Variants in FAM13C observed in about 807,000 individuals in gnomAD.
FAM13C encodes protein FAM13C.
FAM13C carries 37 observed loss-of-function variants against 73.2 expected under a neutral mutation model. The observed-to-expected ratio is 0.51, with a 90% CI of 0.39 to 0.67. The LOEUF is 0.67. Ranked by LOEUF, FAM13C falls within the 30% of genes least tolerant of loss-of-function variation. FAM13C has a pLI of 0.00. For synonymous variants in FAM13C, 246 were observed against 260.9 expected, an observed-to-expected ratio of 0.94 and a Z score of 0.55; for missense variants, 589 against 715.6, an observed-to-expected ratio of 0.82 and a Z score of 2.02.
intron 4 of FAM13C, among the ~76,000 whole-genome samples, chr10:59,312,128 C>T (rs1040388823): frequency 3.1e-4 from 47 of 151,890 alleles, no homozygotes; most frequent in Admixed American, 3.0e-3. Flanking sequence ...GGTGGGGGTG[C>T]GGAATTTAAA....
intron 5 of FAM13C, among the ~76,000 whole-genome samples, chr10:59,289,614 T>C (rs1411791190): frequency 6.6e-6 from 1 of 152,196 alleles, no homozygotes; most frequent in Non-Finnish European, 1.5e-5. Context: ...AGATCACTAA[T>C]AAGCAAGTAA....
At chr10:59,353,389 A>G (rs1316622008) in intron 2 of FAM13C, among the ~76,000 whole-genome samples, 1 of 152,214 alleles carries the variant, frequency 6.6e-6, no homozygotes, top group Non-Finnish European at 1.5e-5. Flanking sequence ...TATATAATCA[A>G]TATCATTAAC....
chr10:59,362,804 C>T, upstream of FAM13C: 1 of 355,048 alleles, frequency 2.8e-6, no homozygotes, highest in Non-Finnish European at 5.1e-6. Context: ...TTTGTGCCAG[C>T]CACCCCCCGA....
At chr10:59,350,809 G>A (rs1854938076) in intron 3 of FAM13C, among the ~76,000 whole-genome samples, 1 of 152,174 alleles carries the variant, frequency 6.6e-6, no homozygotes, top group Non-Finnish European at 1.5e-5. Flanking sequence ...CCTGATGCAT[G>A]TTTGCTAAAC....
At chr10:59,259,613 T>TA (rs1192528288) in intron 10 of FAM13C, among the ~76,000 whole-genome samples, 1 of 152,212 alleles carries the variant, frequency 6.6e-6, no homozygotes, top group East Asian at 1.9e-4. Context: ...CATTTTCTAT[T>TA]ACAGATGCTC....
intron 5 of FAM13C, among the ~76,000 whole-genome samples, chr10:59,298,501 C>T (rs1847182711): frequency 6.6e-6 from 1 of 152,094 alleles, no homozygotes; most frequent in South Asian, 2.1e-4. Context: ...ATGATGATGA[C>T]ATAAGAGTTG....
At chr10:59,260,405 A>G (rs1017381037) in intron 10 of FAM13C, among the ~76,000 whole-genome samples, 3 of 151,994 alleles carry the variant, frequency 2.0e-5, no homozygotes, top group Admixed American at 1.3e-4. Context: ...CTGTTCTCCA[A>G]CCCTCAAACC....
chr10:59,314,472 G>T (rs1849292185), intron 4 of FAM13C, among the ~76,000 whole-genome samples: 1 of 152,194 alleles, frequency 6.6e-6, no homozygotes, highest in Non-Finnish European at 1.5e-5. Context: ...ATCCAGGTCT[G>T]CATACTGCCA....
intron 4 of FAM13C, among the ~76,000 whole-genome samples, chr10:59,308,039 CA>C (rs957638812): frequency 3.9e-5 from 6 of 152,190 alleles, no homozygotes; most frequent in Admixed American, 3.9e-4. Flanking sequence ...GGCCTACACA[CA>C]AAAACTCGGT....
At chr10:59,335,610 T>A (rs1852616591) in intron 3 of FAM13C, among the ~76,000 whole-genome samples, 1 of 152,168 alleles carries the variant, frequency 6.6e-6, no homozygotes, top group Non-Finnish European at 1.5e-5. Flanking sequence ...GTGAATGATG[T>A]TGAGAATAAC....
At chr10:59,273,162 T>G (rs1342813524) in intron 6 of FAM13C, among the ~76,000 whole-genome samples, 3 of 152,190 alleles carry the variant, frequency 2.0e-5, no homozygotes, top group Non-Finnish European at 4.4e-5. Context: ...GACCAAGAAT[T>G]CATGAATTTG....
At chr10:59,275,152 C>G (rs575221470) in intron 6 of FAM13C, among the ~76,000 whole-genome samples, 2 of 152,268 alleles carry the variant, frequency 1.3e-5, no homozygotes, top group South Asian at 4.1e-4. Context: ...ATTGAATATA[C>G]AAAGCAAACA....
At chr10:59,317,126 A>ATGTG (rs5785374) in intron 4 of FAM13C, among the ~76,000 whole-genome samples, 42,032 of 149,094 alleles carry the variant, frequency 0.28, 6,122 homozygotes, top group African/African-American at 0.38. Context: ...ACTATACATA[A>ATGTG]TGTGTGTGTG....
chr10:59,322,798 CA>C (rs537605379), intron 4 of FAM13C, among the ~76,000 whole-genome samples: 86 of 152,122 alleles, frequency 5.7e-4, no homozygotes, highest in African/African-American at 2.0e-3. Context: ...TTCCAGTAGC[CA>C]AAAAATAGCT....
intron 3 of FAM13C, among the ~76,000 whole-genome samples, chr10:59,329,693 C>T (rs1216559835): frequency 6.6e-6 from 1 of 152,032 alleles, no homozygotes; most frequent in Non-Finnish European, 1.5e-5. Context: ...ATGTATTACC[C>T]AGTTTACTGC....
intron 7 of FAM13C, among the ~76,000 whole-genome samples, chr10:59,269,417 T>TACACACACAC (rs10532470): frequency 0.032 from 4,728 of 146,600 alleles, 269 homozygotes; most frequent in African/African-American, 0.11. Flanking sequence ...GGCATCCGAT[T>TACACACACAC]ACACACACAC....
chr10:59,293,097 G>A lies in FAM13C; in HGVS notation c.508-9650C>T, dbSNP rs1164261691. Among the ~76,000 whole-genome samples, 8 of 96,138 alleles carry A rather than the reference G, an allele frequency of 8.3e-5. No individual in the cohort carries two copies. The East Asian group carries it at 9.8e-4, about 12-fold the overall frequency. 63.1% of individuals were successfully genotyped at this position (96,138 alleles called of 152,430 possible). On this transcript the variant is annotated intron_variant, in intron 5 of 13. Transcript: ENST00000618804. ...TTTTTTTTTTTTTTTTTTTTGAGAC[G>A]GAGTCTCATTCTGTTGCCCAGGATG...
At chr10:59,323,115 G>C (rs1850547139) in intron 4 of FAM13C, 1 of 152,202 alleles carries the variant, frequency 6.6e-6, no homozygotes, top group Non-Finnish European at 1.5e-5. Context: ...TGCTGCCTTA[G>C]AAAAACAATT....
intron 8 of FAM13C, among the ~76,000 whole-genome samples, 189 bp downstream of exon 8, chr10:59,268,364 G>A (rs1036066749): frequency 2.0e-5 from 3 of 152,108 alleles, no homozygotes; most frequent in Admixed American, 6.5e-5. Context: ...TATCCTAGCA[G>A]AGATCAACTG....
Sources: gnomAD v4.1 joint callset for allele counts (sites outside exome capture counted in the v4.1 genomes callset) on GRCh38, gnomAD v4.1.1 for gene constraint, MANE v1.5 for transcripts, NCBI Gene and HGNC (gene_info 2026-07-23, HGNC 2026-07-21) for gene names.